ITGAE: variants seen among roughly 807,000 people sequenced by gnomAD.
ITGAE encodes the protein integrin subunit alpha E.
Under a neutral mutation model 136.5 loss-of-function variants are expected in ITGAE, and 99 were observed. That is an observed-to-expected ratio of 0.73 (90% CI 0.62 to 0.86). The LOEUF (loss-of-function observed/expected upper bound fraction) is 0.86. Among genes scored for constraint, ITGAE ranks in the 40% least tolerant of loss-of-function variants. The pLI is 0.00. For missense variants in ITGAE, 1,447 were observed against 1,515.3 expected, an observed-to-expected ratio of 0.95 and a Z score of 0.75; for synonymous variants, 613 against 591.8, an observed-to-expected ratio of 1.04 and a Z score of -0.52.
intron 1 of ITGAE, among the ~76,000 whole-genome samples, chr17:3,778,949 G>A (rs1254783346): frequency 1.3e-5 from 2 of 151,756 alleles, no homozygotes; most frequent in Non-Finnish European, 2.9e-5. Context: ...GTAGGGAAAG[G>A]GAATTCAAAC....
In ITGAE at chr17:3,726,623, T is replaced by A. The variant is rs1371228467; in HGVS notation, c.3084+1296A>T. 1.1e-5 allele frequency: 4 copies of A among 376,862 alleles called. No homozygotes were observed. The Admixed American group carries it at 1.7e-4, about 16-fold the overall frequency. The allele number at this position is 376,862 out of a possible 1,614,324, so 23.3% of individuals were successfully genotyped here. On this transcript the variant is annotated intron_variant, in intron 26 of 30. Transcript: ENST00000263087. ...CAGGAGGATCGCTTGAGCCCAAGAG[T>A]TCATATCTAGCCTGGTCAACATAGC...
In ITGAE at chr17:3,755,953, G is replaced by C. The variant is rs930371341; in HGVS notation, c.1172-56C>G. The C allele has an allele frequency of 1.2e-5, 18 of 1,513,372 alleles. No homozygotes were observed. The East Asian group carries it at 4.1e-4, about 34-fold the overall frequency. 93.7% of individuals were successfully genotyped at this position (1,513,372 alleles called of 1,614,324 possible). Reference sequence around the variant, plus strand: ...GTGGGCCGAGGTGAAGGGAGAAACTGAGTCAGGGGACAGTCCAGCTTGGCC... The same window carrying C: ...GTGGGCCGAGGTGAAGGGAGAAACTCAGTCAGGGGACAGTCCAGCTTGGCC... On this transcript the variant is annotated intron_variant, in intron 10 of 30. Coordinates refer to ENST00000263087, the MANE Select transcript of ITGAE (RefSeq NM_002208.5).
intron 24 of ITGAE, 117 bp from the exon 25 acceptor site, chr17:3,728,285 C>T: frequency 2.5e-6 from 2 of 790,272 alleles, no homozygotes; most frequent in South Asian, 1.4e-5. Flanking sequence ...CTCAGTGTAG[C>T]CTCAACCTCC....
chr17:3,759,124 CA>C (rs571819995), intron 8 of ITGAE, among the ~76,000 whole-genome samples: 7 of 86,510 alleles, frequency 8.1e-5, no homozygotes, highest in African/African-American at 1.7e-4. Flanking sequence ...GACTCCATCT[CA>C]AAAAAAAAAA....
At chr17:3,757,224 G>A in intron 9 of ITGAE, 90 bp from the exon 10 acceptor site, 1 of 1,442,808 alleles carries the variant, frequency 6.9e-7, no homozygotes, top group Non-Finnish European at 9.5e-7. Context: ...GGCCTCTGGG[G>A]CCCTCCATTA....
intron 1 of ITGAE, among the ~76,000 whole-genome samples, chr17:3,790,779 C>T (rs2052918445): frequency 6.6e-6 from 1 of 152,166 alleles, no homozygotes; most frequent in Admixed American, 6.5e-5. Flanking sequence ...GATGGGGGTG[C>T]ACTCCAGACG....
intron 1 of ITGAE, among the ~76,000 whole-genome samples, chr17:3,783,241 A>G (rs1567555503): frequency 1.3e-5 from 2 of 152,178 alleles, no homozygotes; most frequent in Admixed American, 6.5e-5. Context: ...CTTGGGTTCA[A>G]GCAATTCTCC....
chr17:3,731,012 T>C lies in ITGAE; in HGVS notation c.2834+92A>G. On this transcript the variant is annotated intron_variant, in intron 23 of 30. Transcript: ENST00000263087. ...TGGGGTTTCCTTTCTCCCTGGGCTG[T>C]AAGGGGGCCGTTCCTCTCACAGCGT... 3 of 1,025,426 alleles carry C rather than the reference T, an allele frequency of 2.9e-6. No individual in the cohort carries two copies. The South Asian group carries it at 4.1e-5, about 14-fold the overall frequency. 63.5% of individuals were successfully genotyped at this position (1,025,426 alleles called of 1,614,324 possible). A position where few individuals can be genotyped will look rare whatever the true frequency, so the allele number is the denominator to read the frequency against.
chr17:3,746,455 T>A (rs2143016835), intron 17 of ITGAE, among the ~76,000 whole-genome samples: 1 of 151,494 alleles, frequency 6.6e-6, no homozygotes, highest in South Asian at 2.1e-4. Flanking sequence ...TTTTTTTCTT[T>A]TTTCTTTTTT....
chr17:3,753,246 G>A (rs1271666504), intron 14 of ITGAE, 44 bp downstream of exon 14: 1 of 1,593,474 alleles, frequency 6.3e-7, no homozygotes, highest in East Asian at 2.2e-5. Context: ...GTCAGGCTGA[G>A]TGCCACAGCC....
intron 2 of ITGAE, among the ~76,000 whole-genome samples, chr17:3,771,246 G>A (rs1567547709): frequency 1.3e-5 from 2 of 152,182 alleles, no homozygotes; most frequent in Non-Finnish European, 2.9e-5. Flanking sequence ...GGGGCAACAC[G>A]ATGGATGAAA....
intron 1 of ITGAE, among the ~76,000 whole-genome samples, chr17:3,778,426 G>C (rs554393881): frequency 6.6e-6 from 1 of 152,240 alleles, no homozygotes; most frequent in South Asian, 2.1e-4. Flanking sequence ...AGCTGGGCGC[G>C]GTGGCACGTT....
chr17:3,716,336 C>T (rs2567883), intron 30 of ITGAE, among the ~76,000 whole-genome samples: 19,613 of 152,092 alleles, frequency 0.13, 4,219 homozygotes, highest in African/African-American at 0.45. Flanking sequence ...AAGGCCTTAC[C>T]GTTAAGGCCT....
At chr17:3,789,505 G>GT (rs1376359484) in intron 1 of ITGAE, among the ~76,000 whole-genome samples, 2 of 15,664 alleles carry the variant, frequency 1.3e-4, no homozygotes, top group East Asian at 4.1e-3. Flanking sequence ...CTTTTTTTTT[G>GT]TTTTTTGTTT....
chr17:3,740,365 T>G (rs1044224735), intron 19 of ITGAE, among the ~76,000 whole-genome samples: 9 of 152,176 alleles, frequency 5.9e-5, no homozygotes, highest in Non-Finnish European at 1.2e-4. Flanking sequence ...GCTAGTCATC[T>G]GTTTTTTCGG....
intron 1 of ITGAE, among the ~76,000 whole-genome samples, chr17:3,795,602 G>A (rs980080857): frequency 2.6e-5 from 4 of 152,240 alleles, no homozygotes; most frequent in African/African-American, 7.2e-5. Context: ...TGGAGGCACC[G>A]AGGGGTTGGT....
rs1028238461 is a variant in ITGAE, at chr17:3,782,353, G to A, written c.35-4693C>T. 4.5e-5 allele frequency among the ~76,000 whole-genome samples: 6 copies of A among 132,508 alleles called. No homozygotes were observed. The East Asian group carries it at 1.0e-3, about 23-fold the overall frequency. The allele number at this position is 132,508 out of a possible 152,430, so 86.9% of individuals were successfully genotyped here. A position where few individuals can be genotyped will look rare whatever the true frequency, so the allele number is the denominator to read the frequency against. ...GCTTAAATCTCTAGTGTGTGTGTGT[G>A]TGTGTGTGTGTGTGTGTACTTTTTT... On this transcript the variant is annotated intron_variant, in intron 1 of 30. Coordinates refer to ENST00000263087, the MANE Select transcript of ITGAE (RefSeq NM_002208.5).
At chr17:3,761,322 T>C in intron 5 of ITGAE, 81 bp downstream of exon 5, 1 of 1,538,716 alleles carries the variant, frequency 6.5e-7, no homozygotes, top group Non-Finnish European at 8.8e-7. Context: ...CCACTGCATC[T>C]GCCGTGAGCT....
rs1157564444 is a variant in ITGAE at position 3,757,144 on chromosome 17, C to T, written c.1021-10G>A. ...TAAATTCTTCTCCCACCTGCACAGA[C>T]AGCCTGGGTCAGCGAGTCAGCGCTG... On this transcript the variant is annotated splice_polypyrimidine_tract_variant and intron_variant, in intron 9 of 30. Coordinates refer to ENST00000263087, the MANE Select transcript of ITGAE (RefSeq NM_002208.5). 1 of 1,612,936 alleles carries T rather than the reference C, an allele frequency of 6.2e-7. No homozygotes were observed. The highest frequency in any genetic ancestry group is 1.1e-5 in the South Asian group (1 of 90,914).
Sources: allele counts gnomAD v4.1 joint callset (sites outside exome capture counted in the v4.1 genomes callset), GRCh38; gene constraint gnomAD v4.1.1; transcripts MANE v1.5; gene names NCBI Gene and HGNC (gene_info 2026-07-23, HGNC 2026-07-21).